KIAA0319L: variants seen among roughly 807,000 people sequenced by gnomAD.
KIAA0319L encodes KIAA0319 like.
KIAA0319L carries 55 observed loss-of-function variants against 120.1 expected under a neutral mutation model. The observed-to-expected ratio is 0.46, with a 90% CI of 0.37 to 0.57. KIAA0319L has a LOEUF of 0.57. Ranked by LOEUF, KIAA0319L falls within the 20% of genes least tolerant of loss-of-function variation. The pLI, the probability that KIAA0319L is intolerant of heterozygous loss-of-function variation, is 0.00. For missense variants in KIAA0319L, 1,049 were observed against 1,255.3 expected, an observed-to-expected ratio of 0.84 and a Z score of 2.48; for synonymous variants, 398 against 471.9, an observed-to-expected ratio of 0.84 and a Z score of 2.03.
At chr1:35,537,669 C>T (rs1373329934) in intron 2 of KIAA0319L, among the ~76,000 whole-genome samples, 2 of 142,968 alleles carry the variant, frequency 1.4e-5, no homozygotes, top group Non-Finnish European at 3.0e-5. Context: ...CATGTGAGGA[C>T]TCAATACAAC....
At chr1:35,492,556 G>C (rs899039094) in intron 3 of KIAA0319L, among the ~76,000 whole-genome samples, 2 of 151,636 alleles carry the variant, frequency 1.3e-5, no homozygotes, top group Admixed American at 1.3e-4. Context: ...ATAATATCAT[G>C]ACCAAGCGGG....
chr1:35,436,332 G>A (rs996497418), intron 20 of KIAA0319L, among the ~76,000 whole-genome samples: 29 of 152,214 alleles, frequency 1.9e-4, no homozygotes, highest in African/African-American at 6.5e-4. Context: ...TCTGGGGCTT[G>A]GGCAGGGAGC....
chr1:35,494,784 T>G (rs964011986), intron 3 of KIAA0319L, among the ~76,000 whole-genome samples: 1 of 152,254 alleles, frequency 6.6e-6, no homozygotes, highest in Admixed American at 6.5e-5. Flanking sequence ...GCACTCCAAC[T>G]GAGCAACCAC....
At chr1:35,536,858 G>A (rs1290697318) in intron 2 of KIAA0319L, among the ~76,000 whole-genome samples, 4 of 148,306 alleles carry the variant, frequency 2.7e-5, no homozygotes, top group African/African-American at 5.0e-5. Context: ...GAAGGCAAAT[G>A]ATTAAGCTAT....
chr1:35,443,734 G>A (rs528213310), intron 17 of KIAA0319L, among the ~76,000 whole-genome samples: 1 of 151,756 alleles, frequency 6.6e-6, no homozygotes, highest in Admixed American at 6.6e-5. Context: ...GCTAGAAGTG[G>A]GTTTAACAAC....
Position 35,513,288 on chromosome 1 carries a change from ATTTT to A in KIAA0319L, c.143-6157_143-6154del, listed in dbSNP as rs67198806. 6.9e-3 allele frequency among the ~76,000 whole-genome samples: 587 copies of A among 85,244 alleles called. 2 individuals carry two copies. The highest frequency in any genetic ancestry group is 9.0e-3 in the Admixed American group (66 of 7,332). 55.9% of individuals were successfully genotyped at this position (85,244 alleles called of 152,430 possible). ...ATAACATATATATATATATATATATATTTTTTTTTTTTTTTTTTTCTGTCCAGTA... is the reference window on the plus strand; with the variant it reads ...ATAACATATATATATATATATATATATTTTTTTTTTTTTTTCTGTCCAGTA... On this transcript the variant is annotated intron_variant, in intron 2 of 20. Coordinates refer to ENST00000325722, the MANE Select transcript of KIAA0319L (RefSeq NM_024874.5).
intron 17 of KIAA0319L, 80 bp from the exon 18 acceptor site, chr1:35,443,108 C>G: frequency 6.5e-7 from 1 of 1,535,208 alleles, no homozygotes; most frequent in Non-Finnish European, 9.0e-7. Context: ...CATGAGGGCA[C>G]CAAAGCACCC....
At chr1:35,509,953 G>T (rs1393074377) in intron 2 of KIAA0319L, 2 of 152,362 alleles carry the variant, frequency 1.3e-5, no homozygotes, top group Non-Finnish European at 2.9e-5. Context: ...CAGGAGTACT[G>T]GTTTGAAACA....
At chr1:35,488,352 G>A (rs1188207496) in intron 3 of KIAA0319L, among the ~76,000 whole-genome samples, 1 of 152,202 alleles carries the variant, frequency 6.6e-6, no homozygotes, top group Non-Finnish European at 1.5e-5. Flanking sequence ...TTATGGAGCT[G>A]TAATAGATCT....
chr1:35,539,653 T>C (rs1020830788), intron 2 of KIAA0319L, among the ~76,000 whole-genome samples: 2 of 152,220 alleles, frequency 1.3e-5, no homozygotes, highest in Admixed American at 6.5e-5. Context: ...CTTTCTGAGA[T>C]GGAAGCTGGC....
intron 2 of KIAA0319L, among the ~76,000 whole-genome samples, chr1:35,538,772 CAT>C (rs1442419442): frequency 6.6e-6 from 1 of 152,014 alleles, no homozygotes; most frequent in Non-Finnish European, 1.5e-5. Flanking sequence ...TTATGGCAAT[CAT>C]GTGGCTTTTA....
intron 2 of KIAA0319L, among the ~76,000 whole-genome samples, chr1:35,541,812 G>A (rs1646805094): frequency 6.6e-6 from 1 of 152,182 alleles, no homozygotes; most frequent in Non-Finnish European, 1.5e-5. Flanking sequence ...AGAGCAAGGT[G>A]GAGTCGTGGC....
Position 35,474,872 on chromosome 1 carries a change from ACT to A in KIAA0319L, c.946_947del (p.Ser316CysfsTer7), listed in dbSNP as rs761939810. On this transcript the variant is annotated frameshift_variant, in exon 5 of 21. Transcript: ENST00000325722. LOFTEE classifies it high-confidence loss of function. ...CATTCTTAGGCAGGGTTATCTGGAC[ACT>A]CTCTCCAGCAGATACCACCAGTTCC... Reference protein sequence around the residue: ...IKELVVSAGESVQITLPKNEV... With the variant: ...IKELVVSAGEXVQITLPKNEV... 2.5e-6 allele frequency: 4 copies of A among 1,610,290 alleles called. No individual in the cohort carries two copies. Among genetic ancestry groups the A allele is most frequent in the Non-Finnish European group, 3.4e-6 (4 of 1,176,892 alleles).
At chr1:35,522,651 TAAAC>T (rs1645970902) in intron 2 of KIAA0319L, among the ~76,000 whole-genome samples, 2 of 152,124 alleles carry the variant, frequency 1.3e-5, no homozygotes, top group Non-Finnish European at 2.9e-5. Context: ...TTTAAAAATT[TAAAC>T]AAACAAAATT....
At position 35,450,453 on chromosome 1, in the gene KIAA0319L, T is replaced by C; in HGVS notation, c.2119A>G (p.Thr707Ala). The C allele has an allele frequency of 6.2e-7, 1 of 1,614,132 alleles. No homozygotes were observed. ...ITGNVVITLP[T>A]STAELDGSKS... ...GAGCCATCCAGCTCTGCTGTGCTCG[T>C]GGGTAGGGTAATCACCACATTCCCA... Residue 707 changes from threonine (T) to alanine (A), a missense_variant, in exon 14 of 21, where the codon ACG becomes GCG. By Grantham distance (58) the Thr-to-Ala change is moderately conservative. Coordinates refer to ENST00000325722, the MANE Select transcript of KIAA0319L (RefSeq NM_024874.5).
intron 5 of KIAA0319L, among the ~76,000 whole-genome samples, chr1:35,471,373 T>G (rs771509411): frequency 6.6e-6 from 1 of 152,216 alleles, no homozygotes; most frequent in African/African-American, 2.4e-5. Context: ...CTAAATAACA[T>G]GGTTCAAAAA....
intron 2 of KIAA0319L, among the ~76,000 whole-genome samples, chr1:35,520,142 G>A (rs778089589): frequency 5.4e-5 from 8 of 149,280 alleles, no homozygotes; most frequent in Middle Eastern, 3.5e-3. Context: ...TCACTCTGTC[G>A]CCCAGGCTGG....
In KIAA0319L at chr1:35,526,382, TAC is replaced by T. The variant is rs1460000307; in HGVS notation, c.143-19249_143-19248del. ...GTATATATATACATACATATATATA[TAC>T]ATACATATATATATATATATATATA... On this transcript the variant is annotated intron_variant, in intron 2 of 20. Coordinates refer to ENST00000325722, the MANE Select transcript of KIAA0319L (RefSeq NM_024874.5). 7.2e-4 allele frequency among the ~76,000 whole-genome samples: 89 copies of T among 123,018 alleles called. No individual in the cohort carries two copies. The East Asian group carries it at 0.011, about 15-fold the overall frequency. The allele number at this position is 123,018 out of a possible 152,430, so 80.7% of individuals were successfully genotyped here.
chr1:35,525,778 T>G (rs1452072059), intron 2 of KIAA0319L, among the ~76,000 whole-genome samples: 1 of 152,234 alleles, frequency 6.6e-6, no homozygotes, highest in African/African-American at 2.4e-5. Flanking sequence ...TTTTCTCCCA[T>G]TCAACGGGTT....
Sources: allele counts gnomAD v4.1 joint callset (sites outside exome capture counted in the v4.1 genomes callset), GRCh38; gene constraint gnomAD v4.1.1; transcripts MANE v1.5; gene names NCBI Gene and HGNC (gene_info 2026-07-23, HGNC 2026-07-21).